Variants in FBXO47 observed in about 807,000 individuals in gnomAD.
FBXO47 encodes the protein F-box protein 47, also known as F-box only protein 47.
Under a neutral mutation model 53.9 loss-of-function variants are expected in FBXO47, and 34 were observed. The ratio of observed to expected loss-of-function variants is 0.63; its 90% confidence interval spans 0.48 to 0.84. The LOEUF (loss-of-function observed/expected upper bound fraction) is 0.84. FBXO47 is among the 40% of genes least tolerant of loss of function. The pLI, the probability that FBXO47 is intolerant of heterozygous loss-of-function variation, is 0.00. For synonymous variants in FBXO47, 165 were observed against 181.6 expected, an observed-to-expected ratio of 0.91 and a Z score of 0.73; for missense variants, 485 against 541.3, an observed-to-expected ratio of 0.90 and a Z score of 1.03.
Position 38,967,315 on chromosome 17 carries a change from G to A in FBXO47, c.-113C>T, listed in dbSNP as rs1906179807. On this transcript the variant is annotated 5_prime_UTR_variant, in exon 1 of 11. Transcript: ENST00000378079. ...CCCCACCATCCTCAAATTTCTTAGT[G>A]TTTAGAAAAGAAAATATCTCCTCAA... is the stretch of plus-strand genomic sequence containing the variant. The A allele has an allele frequency of 6.6e-6, 1 of 152,138 alleles. No homozygotes were observed. The highest frequency in any genetic ancestry group is 6.6e-5 in the Admixed American group (1 of 15,264). 9.4% of individuals were successfully genotyped at this position (152,138 alleles called of 1,614,324 possible). A position where few individuals can be genotyped will look rare whatever the true frequency, so the allele number is the denominator to read the frequency against.
chr17:38,956,290 C>G (rs1197385417), intron 4 of FBXO47, among the ~76,000 whole-genome samples: 1 of 151,924 alleles, frequency 6.6e-6, no homozygotes, highest in African/African-American at 2.4e-5. Flanking sequence ...AATGCAAATG[C>G]TGACATGAAA....
intron 5 of FBXO47, 115 bp from the exon 6 acceptor site, chr17:38,951,804 G>C (rs1157027347): frequency 1.5e-6 from 1 of 651,774 alleles, no homozygotes. Flanking sequence ...GCCAAGGTGG[G>C]TGGATCACCT....
chr17:38,956,257 TATA>T (rs1375690219), intron 4 of FBXO47, among the ~76,000 whole-genome samples: 1 of 152,092 alleles, frequency 6.6e-6, no homozygotes, highest in African/African-American at 2.4e-5. Flanking sequence ...GGGAAGCTGC[TATA>T]ATAATATAGA....
chr17:38,962,984 G>C lies in FBXO47; in HGVS notation c.42C>G (p.Asn14Lys), dbSNP rs574343021. The change falls in exon 2 of 11, where the codon AAC (asparagine) becomes AAG (lysine). Residue 14 changes from asparagine (N) to lysine (K), a missense_variant. Physicochemically the swap from Asn to Lys is moderately conservative, Grantham distance 94. Coordinates refer to ENST00000378079, the MANE Select transcript of FBXO47 (RefSeq NM_001008777.3). Reference protein sequence around the residue: ...RINTNFTLIPNQKLRRSNRQT... With the variant: ...RINTNFTLIPKQKLRRSNRQT... Reference sequence around the variant, plus strand: ...GACGATTACTACGTCTAAGTTTCTGGTTGGGAATCAAAGTGAAATTTGTAT... The same window carrying C: ...GACGATTACTACGTCTAAGTTTCTGCTTGGGAATCAAAGTGAAATTTGTAT... 8 of 1,611,588 alleles carry C rather than the reference G, an allele frequency of 5.0e-6. No homozygotes were observed. In the South Asian group the frequency reaches 7.7e-5, roughly 16 times the overall value.
At chr17:38,941,167 A>ATTAT (rs1904488350) in intron 9 of FBXO47, among the ~76,000 whole-genome samples, 1 of 150,502 alleles carries the variant, frequency 6.6e-6, no homozygotes, top group African/African-American at 2.5e-5. Flanking sequence ...TAAATTTTTT[A>ATTAT]TTATTTATTT....
chr17:38,954,968 G>A (rs750469048), intron 4 of FBXO47, 35 bp from the exon 5 acceptor site: 1 of 1,429,124 alleles, frequency 7.0e-7, no homozygotes, highest in Admixed American at 2.0e-5. Context: ...CTCCTTGTCA[G>A]TGAAACTATA....
intron 7 of FBXO47, 120 bp downstream of exon 7, chr17:38,944,840 G>T: frequency 5.3e-6 from 4 of 761,870 alleles, no homozygotes; most frequent in Non-Finnish European, 6.3e-6. Flanking sequence ...CACTGTGTGC[G>T]TGCATGCATG....
At chr17:38,966,843 G>A (rs902044126) in intron 1 of FBXO47, among the ~76,000 whole-genome samples, 1 of 151,822 alleles carries the variant, frequency 6.6e-6, no homozygotes, top group East Asian at 1.9e-4. Flanking sequence ...TCTGGTTTCC[G>A]CTCACCCCTC....
At chr17:38,955,698 G>A (rs998359481) in intron 4 of FBXO47, among the ~76,000 whole-genome samples, 14 of 151,680 alleles carry the variant, frequency 9.2e-5, no homozygotes, top group Non-Finnish European at 1.8e-4. Context: ...GGGGTTTCAC[G>A]CCTGTAATCC....
At chr17:38,959,579 CAAAAA>C (rs749435702) in intron 3 of FBXO47, among the ~76,000 whole-genome samples, 2 of 27,852 alleles carry the variant, frequency 7.2e-5, no homozygotes, top group East Asian at 9.3e-4. Flanking sequence ...GACTCTGCCT[CAAAAA>C]AAAAAAAAAA....
At chr17:38,947,733 T>A (rs1905013659) in intron 6 of FBXO47, among the ~76,000 whole-genome samples, 1 of 151,840 alleles carries the variant, frequency 6.6e-6, no homozygotes, top group South Asian at 2.1e-4. Context: ...CATGGTGAAA[T>A]CCCGTCTTTA....
intron 5 of FBXO47, among the ~76,000 whole-genome samples, chr17:38,953,507 C>T (rs1442907873): frequency 2.0e-5 from 3 of 151,944 alleles, no homozygotes; most frequent in Non-Finnish European, 2.9e-5. Flanking sequence ...TACCTGTAAT[C>T]CCACCTACTT....
chr17:38,965,164 T>C (rs1421319236), intron 1 of FBXO47, among the ~76,000 whole-genome samples: 1 of 152,212 alleles, frequency 6.6e-6, no homozygotes, highest in East Asian at 1.9e-4. Flanking sequence ...CACTAAATAA[T>C]TATTTAAACA....
intron 5 of FBXO47, among the ~76,000 whole-genome samples, chr17:38,952,965 T>C (rs1315418413): frequency 1.3e-5 from 2 of 151,834 alleles, no homozygotes; most frequent in East Asian, 1.9e-4. Context: ...TTTATGACTT[T>C]TGAATGTGAA....
Position 38,937,109 on chromosome 17 carries a change from G to T in FBXO47, c.*66C>A, listed in dbSNP as rs1054183407. ...GTCCCATGGATGCTATTTTTTGAGT[G>T]AAAAAGTAGCACTCCTCTAATCATT... On this transcript the variant is annotated 3_prime_UTR_variant, in exon 11 of 11. Transcript: ENST00000378079. The T allele has an allele frequency of 4.8e-6, 3 of 627,838 alleles. No homozygotes were observed. Among genetic ancestry groups the T allele is most frequent in the Non-Finnish European group, 5.5e-6 (2 of 365,368 alleles). 38.9% of individuals were successfully genotyped at this position (627,838 alleles called of 1,614,324 possible).
At chr17:38,944,855 T>G in intron 7 of FBXO47, 105 bp downstream of exon 7, 1 of 811,992 alleles carries the variant, frequency 1.2e-6, no homozygotes. Flanking sequence ...TGCATGTGTG[T>G]GTGTGTGTGT....
intron 8 of FBXO47, 33 bp from the exon 9 acceptor site, chr17:38,942,953 G>T: frequency 6.4e-7 from 1 of 1,563,788 alleles, no homozygotes; most frequent in Non-Finnish European, 8.7e-7. Flanking sequence ...TATTTAATGA[G>T]AAATCACACA....
chr17:38,966,656 T>C (rs1462456853), intron 1 of FBXO47, among the ~76,000 whole-genome samples: 3 of 152,158 alleles, frequency 2.0e-5, no homozygotes. Context: ...GTGTCAACTG[T>C]GAACTACATA....
At chr17:38,963,247 G>A (rs1045825849) in intron 1 of FBXO47, among the ~76,000 whole-genome samples, 196 bp from the exon 2 acceptor site, 12 of 151,454 alleles carry the variant, frequency 7.9e-5, no homozygotes, top group Non-Finnish European at 1.0e-4. Flanking sequence ...GCGTAATCTC[G>A]GCTCACTGCA....
Sources: gnomAD v4.1 joint callset for allele counts (sites outside exome capture counted in the v4.1 genomes callset) on GRCh38, gnomAD v4.1.1 for gene constraint, MANE v1.5 for transcripts, NCBI Gene and HGNC (gene_info 2026-07-23, HGNC 2026-07-21) for gene names.